LAMC3: variants seen among roughly 807,000 people sequenced by gnomAD.
The protein encoded by LAMC3 is laminin subunit gamma 3.
LAMC3 carries 128 observed loss-of-function variants against 173.8 expected under a neutral mutation model. The ratio of observed to expected loss-of-function variants is 0.74; its 90% CI spans 0.64 to 0.85. The LOEUF is 0.85. LAMC3 is among the 40% of genes least tolerant of loss of function. The pLI, the probability that LAMC3 is intolerant of heterozygous loss-of-function variation, is 0.00. For missense variants in LAMC3, 2,022 were observed against 2,156.0 expected, an observed-to-expected ratio of 0.94 and a Z score of 1.23; for synonymous variants, 897 against 909.1, an observed-to-expected ratio of 0.99 and a Z score of 0.24.
At chr9:131,077,161 GCTC>G in intron 21 of LAMC3, 23 bp from the exon 22 acceptor site, 1 of 1,612,176 alleles carries the variant, frequency 6.2e-7, no homozygotes, top group South Asian at 1.1e-5. Context: ...TCTGCACCCA[GCTC>G]CGTGGCCTCT....
chr9:131,072,923 T>G (rs1830062113), intron 19 of LAMC3, 88 bp downstream of exon 19: 6 of 1,233,116 alleles, frequency 4.9e-6, no homozygotes, highest in Non-Finnish European at 7.0e-6. Context: ...TGACCTTGGG[T>G]ATGACTCCCC....
At chr9:131,015,511 C>G (rs1833505070) in intron 1 of LAMC3, among the ~76,000 whole-genome samples, 1 of 152,176 alleles carries the variant, frequency 6.6e-6, no homozygotes, top group African/African-American at 2.4e-5. Flanking sequence ...TCCACCTGCA[C>G]CCCTCGCCCT....
intron 23 of LAMC3, among the ~76,000 whole-genome samples, chr9:131,081,078 G>A (rs10901348): frequency 0.14 from 21,171 of 152,064 alleles, 1,518 homozygotes; most frequent in South Asian, 0.22. Context: ...TCCGAGGCCC[G>A]GGCAGCCTCC....
rs1470262919 is a variant in LAMC3 at position 131,038,817 on chromosome 9, A to G, written c.977-47A>G. ...CTGACTGACACAGATGCAGCCTCCT[A>G]CCACATCACAGGGGACTCACACACC... On this transcript the variant is annotated intron_variant, in intron 4 of 27. Coordinates refer to ENST00000361069, the MANE Select transcript of LAMC3 (RefSeq NM_006059.4). 3 of 1,585,388 alleles carry G rather than the reference A, an allele frequency of 1.9e-6. No homozygotes were observed. The South Asian group carries it at 3.3e-5, about 18-fold the overall frequency.
intron 16 of LAMC3, 89 bp downstream of exon 16, chr9:131,069,139 G>T (rs553195405): frequency 1.4e-6 from 2 of 1,417,644 alleles, no homozygotes; most frequent in Admixed American, 3.5e-5. Context: ...AATGGGCGCA[G>T]CAGGAAAGGA....
intron 12 of LAMC3, among the ~76,000 whole-genome samples, chr9:131,058,372 C>T (rs1240639833): frequency 1.3e-5 from 2 of 151,948 alleles, no homozygotes; most frequent in Non-Finnish European, 2.9e-5. Flanking sequence ...TTCAGCCTCC[C>T]GAAGTGCTGG....
In LAMC3 at chr9:131,068,449, G is replaced by A. The variant is rs563711687; in HGVS notation, c.2747+218G>A. ...TGCAGGCCAAGAGCAGCCCTAAAGG[G>A]TGTCCAGGCAGGCAGGTGGCCGGTT... On this transcript the variant is annotated intron_variant, in intron 15 of 27. Coordinates refer to ENST00000361069, the MANE Select transcript of LAMC3 (RefSeq NM_006059.4). Among the ~76,000 whole-genome samples the A allele has an allele frequency of 3.3e-5, 5 of 152,324 alleles. No individual in the cohort carries two copies. The East Asian group carries it at 5.8e-4, about 18-fold the overall frequency.
At chr9:131,073,904 G>GGCT (rs1830078666) in intron 20 of LAMC3, among the ~76,000 whole-genome samples, 1 of 151,488 alleles carries the variant, frequency 6.6e-6, no homozygotes, top group African/African-American at 2.4e-5. Context: ...TTTTACAACT[G>GGCT]GCTGCTTTGC....
At chr9:131,039,363 G>T in intron 6 of LAMC3, 115 bp downstream of exon 6, 2 of 878,976 alleles carry the variant, frequency 2.3e-6, no homozygotes, top group Non-Finnish European at 3.7e-6. Flanking sequence ...CAGCTACCTC[G>T]CCCTAATCCT....
Position 131,009,531 on chromosome 9 carries a change from C to T in LAMC3, c.317C>T (p.Pro106Leu), listed in dbSNP as rs539055472. The T allele has an allele frequency of 1.9e-6, 3 of 1,562,320 alleles. No individual in the cohort carries two copies. The highest frequency in any genetic ancestry group is 1.4e-5 in the African/African-American group (1 of 73,644). Reference protein sequence around the residue: ...SQDESTWWQSPSMAFGVQYPT... With the variant: ...SQDESTWWQSLSMAFGVQYPT... ...GACGAGAGCACCTGGTGGCAGAGCC[C>T]GTCCATGGCCTTCGGCGTGCAGTAC... The change falls in exon 1 of 28, where the codon CCG (proline) becomes CTG (leucine). Residue 106 changes from proline to leucine, a missense_variant. Pro to Leu is a moderately conservative substitution (Grantham distance 98, BLOSUM62 -3). Transcript: ENST00000361069. This position sits in a 1 kb window ranked among gnomAD's most constrained non-coding sequence, Gnocchi z 4.3.
chr9:131,054,383 T>C (rs1834358128), intron 11 of LAMC3, among the ~76,000 whole-genome samples: 1 of 152,194 alleles, frequency 6.6e-6, no homozygotes, highest in Admixed American at 6.5e-5. Flanking sequence ...TTTCCATGGG[T>C]AATGTTTTGG....
rs1417742515 is a variant in LAMC3, at chr9:131,067,068, A to G, written c.2456A>G (p.Asn819Ser). 3.1e-6 allele frequency: 5 copies of G among 1,614,122 alleles called. No individual in the cohort carries two copies. In the South Asian group the frequency reaches 3.3e-5, roughly 11 times the overall value. Reference sequence around the variant, plus strand: ...CAGTGTAGCGGGAACGTGGACCCCAATGCCGTGGGCAACTGTGACCCCCTG... The same window carrying G: ...CAGTGTAGCGGGAACGTGGACCCCAGTGCCGTGGGCAACTGTGACCCCCTG... ...QCQCSGNVDPNAVGNCDPLSG... is the reference protein window; with the variant it reads ...QCQCSGNVDPSAVGNCDPLSG... The change falls in exon 14 of 28, where the codon AAT (asparagine) becomes AGT (serine). Residue 819 changes from asparagine (N) to serine (S), a missense_variant. By Grantham distance (46) the Asn-to-Ser change is conservative. Transcript: ENST00000361069.
intron 1 of LAMC3, chr9:131,021,286 G>T: frequency 6.6e-6 from 1 of 152,134 alleles, no homozygotes; most frequent in East Asian, 1.9e-4. Flanking sequence ...TAACTGCTCT[G>T]GGGCTGTCAA....
At chr9:131,037,045 C>A (rs973557803) in intron 4 of LAMC3, among the ~76,000 whole-genome samples, 1 of 152,240 alleles carries the variant, frequency 6.6e-6, no homozygotes, top group Non-Finnish European at 1.5e-5. Context: ...CCTCTTGGGC[C>A]TGGGCCACTG....
chr9:131,067,576 C>T (rs771897743), intron 14 of LAMC3, among the ~76,000 whole-genome samples: 3 of 152,102 alleles, frequency 2.0e-5, no homozygotes, highest in Non-Finnish European at 2.9e-5. Context: ...TGGGAGGCTC[C>T]CAGAGCCCTG....
chr9:131,032,625 ACTCT>A (rs1564368561), intron 3 of LAMC3, among the ~76,000 whole-genome samples: 3 of 63,948 alleles, frequency 4.7e-5, no homozygotes, highest in Admixed American at 3.1e-4. Flanking sequence ...TCTCTCTCTC[ACTCT>A]CTCTTGCTCT....
At chr9:131,012,575 C>T (rs1338891268) in intron 1 of LAMC3, among the ~76,000 whole-genome samples, 1 of 152,258 alleles carries the variant, frequency 6.6e-6, no homozygotes, top group Non-Finnish European at 1.5e-5. Flanking sequence ...GGGGGCCCAG[C>T]GCAGCCCCAG....
chr9:131,019,886 C>T (rs769593932), intron 1 of LAMC3, among the ~76,000 whole-genome samples: 10 of 151,844 alleles, frequency 6.6e-5, no homozygotes, highest in Non-Finnish European at 1.3e-4. Flanking sequence ...GAGCCTCCCC[C>T]GGCCGGGCCC....
chr9:131,035,021 G>A (rs1328238631), intron 3 of LAMC3, among the ~76,000 whole-genome samples: 1 of 152,168 alleles, frequency 6.6e-6, no homozygotes, highest in African/African-American at 2.4e-5. Context: ...CACGATCTCG[G>A]CTCACTGCAA....
Sources: gnomAD v4.1 joint callset for allele counts (sites outside exome capture counted in the v4.1 genomes callset) on GRCh38, gnomAD v4.1.1 for gene constraint, Gnocchi (gnomAD v3.1) non-coding constraint, MANE v1.5 for transcripts, NCBI Gene and HGNC (gene_info 2026-07-23, HGNC 2026-07-21) for gene names.